LIMCH1: variants seen among roughly 807,000 people sequenced by gnomAD.
The protein encoded by LIMCH1 is LIM and calponin homology domains 1.
In LIMCH1, 113 loss-of-function variants were observed where a neutral mutation model predicts 176.5. The ratio of observed to expected loss-of-function variants is 0.64; its 90% CI spans 0.55 to 0.75. The LOEUF is 0.75. LIMCH1 is among the 30% of genes least tolerant of loss of function. The pLI, the probability that LIMCH1 is intolerant of heterozygous loss-of-function variation, is 0.00. For missense variants in LIMCH1, 1,674 were observed against 1,814.9 expected (o/e 0.92, Z 1.41); for synonymous variants, 619 against 645.9 (o/e 0.96, Z 0.63).
intron 2 of LIMCH1, among the ~76,000 whole-genome samples, chr4:41,600,132 T>G (rs1284177902): frequency 2.0e-5 from 3 of 152,198 alleles, no homozygotes; most frequent in Non-Finnish European, 4.4e-5. Flanking sequence ...TGATCTGTTA[T>G]CTAAAAGTAC....
At chr4:41,518,853 G>T (rs1391976834) in intron 2 of LIMCH1, among the ~76,000 whole-genome samples, 1 of 151,968 alleles carries the variant, frequency 6.6e-6, no homozygotes, top group Non-Finnish European at 1.5e-5. Context: ...CTCTTCCTAG[G>T]TTAGTTTGGT....
At chr4:41,569,368 G>A (rs2083207875) in intron 1 of LIMCH1, among the ~76,000 whole-genome samples, 1 of 152,152 alleles carries the variant, frequency 6.6e-6, no homozygotes, top group Admixed American at 6.5e-5. Flanking sequence ...CCTGTAGTAT[G>A]GAGTGGAAGA....
intron 1 of LIMCH1, among the ~76,000 whole-genome samples, chr4:41,442,914 G>A (rs181841409): frequency 6.6e-6 from 1 of 152,258 alleles, no homozygotes; most frequent in Admixed American, 6.5e-5. Context: ...GTAAATGAAA[G>A]GGAAACATAC....
At chr4:41,671,431 C>A in intron 21 of LIMCH1, 123 bp from the exon 22 acceptor site, 1 of 643,934 alleles carries the variant, frequency 1.6e-6, no homozygotes. Flanking sequence ...CACACACACA[C>A]ACACACACAA....
intron 1 of LIMCH1, among the ~76,000 whole-genome samples, chr4:41,471,427 C>T (rs2066945377): frequency 6.6e-6 from 1 of 152,138 alleles, no homozygotes; most frequent in Non-Finnish European, 1.5e-5. Flanking sequence ...TCTATTTCTG[C>T]TTCTTAGTAA....
chr4:41,402,540 G>A (rs1417271671), intron 1 of LIMCH1, among the ~76,000 whole-genome samples: 3 of 138,120 alleles, frequency 2.2e-5, no homozygotes, highest in African/African-American at 6.0e-5. Context: ...TGTTTATTGC[G>A]ACACTATTCC....
At position 41,579,961 on chromosome 4, in the gene LIMCH1, T is replaced by C. The variant is rs80094313; in HGVS notation, c.-240-18959T>C. Among the ~76,000 whole-genome samples, 996 of 152,266 alleles carry C rather than the reference T, an allele frequency of 6.5e-3. 9 individuals are homozygous for C. Among genetic ancestry groups the C allele is most frequent in the East Asian group, 0.054 (279 of 5,180 alleles). ...GTATTTCAATAGTTAACTGGGACTT[T>C]GGGGAGGCACAGCCTTCGGGGAGGG... On this transcript the variant is annotated intron_variant, in intron 1 of 31. Transcript: ENST00000503057.
At chr4:41,613,083 C>G in intron 4 of LIMCH1, 1 of 1,552,076 alleles carries the variant, frequency 6.4e-7, no homozygotes, top group African/African-American at 1.4e-5. Flanking sequence ...TTATGGATTC[C>G]GAAAGACAAG....
chr4:41,492,207 T>C (rs1412969026), intron 1 of LIMCH1, among the ~76,000 whole-genome samples: 1 of 151,958 alleles, frequency 6.6e-6, no homozygotes, highest in African/African-American at 2.4e-5. Flanking sequence ...TGGAGACCAG[T>C]CCGGTCAACA....
chr4:41,610,845 T>C (rs1357303909), intron 4 of LIMCH1, among the ~76,000 whole-genome samples: 1 of 152,106 alleles, frequency 6.6e-6, no homozygotes, highest in Non-Finnish European at 1.5e-5. Context: ...AACATTTCAG[T>C]CAACAGTAGA....
chr4:41,417,710 G>A (rs2060067643), intron 1 of LIMCH1, among the ~76,000 whole-genome samples: 1 of 152,080 alleles, frequency 6.6e-6, no homozygotes, highest in Non-Finnish European at 1.5e-5. Context: ...TTTCTGTAGA[G>A]ATGTGGTTTC....
chr4:41,520,563 A>C (rs1247475099), intron 2 of LIMCH1, among the ~76,000 whole-genome samples: 1 of 152,116 alleles, frequency 6.6e-6, no homozygotes, highest in Non-Finnish European at 1.5e-5. Flanking sequence ...AAGATTACAA[A>C]TTCCAAAGAA....
At chr4:41,524,266 C>G (rs892375504) in intron 2 of LIMCH1, 1 of 694,168 alleles carries the variant, frequency 1.4e-6, no homozygotes, top group Non-Finnish European at 2.6e-6. Context: ...TGCATGAAGG[C>G]TGATAGATTA....
At chr4:41,576,227 A>G (rs1000446803) in intron 1 of LIMCH1, among the ~76,000 whole-genome samples, 3 of 152,162 alleles carry the variant, frequency 2.0e-5, no homozygotes, top group Admixed American at 2.0e-4. Flanking sequence ...GTGTTTCTGT[A>G]TGTGTTTATG....
Position 41,483,900 on chromosome 4 carries a change from A to G in LIMCH1, c.97-10636A>G, listed in dbSNP as rs113224080. 6.4e-3 allele frequency among the ~76,000 whole-genome samples: 972 copies of G among 152,324 alleles called. 6 individuals carry two copies. Among genetic ancestry groups the G allele is most frequent in the African/African-American group, 0.017 (691 of 41,570 alleles). On this transcript the variant is annotated intron_variant, in intron 1 of 26. Transcript: ENST00000313860. ...CTGCACCAAAGGGTGCTTAACTGTGACATCAACTCTGTAGGCACATTCCCT... is the reference window on the plus strand; with the variant it reads ...CTGCACCAAAGGGTGCTTAACTGTGGCATCAACTCTGTAGGCACATTCCCT...
At chr4:41,628,246 C>A (rs1450589312) in intron 8 of LIMCH1, among the ~76,000 whole-genome samples, 1 of 152,090 alleles carries the variant, frequency 6.6e-6, no homozygotes, top group Non-Finnish European at 1.5e-5. Flanking sequence ...CAATTTGAGT[C>A]AGGAAAAGGA....
chr4:41,682,571 A>G (rs1480530183), intron 26 of LIMCH1, 111 bp downstream of exon 26: 6 of 982,880 alleles, frequency 6.1e-6, no homozygotes, highest in East Asian at 5.4e-5. Flanking sequence ...TTCGAAATGA[A>G]TGTTCCAGTA....
intron 1 of LIMCH1, among the ~76,000 whole-genome samples, chr4:41,538,611 G>A (rs946215783): frequency 2.0e-5 from 3 of 148,554 alleles, no homozygotes; most frequent in African/African-American, 5.0e-5. Flanking sequence ...TCCGGTATGT[G>A]GTACAAGACA....
chr4:41,505,861 A>G (rs2074082679), intron 2 of LIMCH1, among the ~76,000 whole-genome samples: 1 of 151,674 alleles, frequency 6.6e-6, no homozygotes, highest in African/African-American at 2.4e-5. Context: ...CCACCTGATC[A>G]TCAATGACTG....
Sources: gnomAD v4.1 joint callset for allele counts (sites outside exome capture counted in the v4.1 genomes callset) on GRCh38, gnomAD v4.1.1 for gene constraint, MANE v1.5 for transcripts, NCBI Gene and HGNC (gene_info 2026-07-23, HGNC 2026-07-21) for gene names.